The following NYAP2 variants were observed in gnomAD, a reference collection of about 807,000 sequenced individuals.
The protein encoded by NYAP2 is neuronal tyrosine-phosphorylated phosphoinositide-3-kinase adaptor 2, also known as neuronal tyrosine-phosphorylated phosphoinositide-3-kinase adapter 2.
NYAP2 carries 23 observed loss-of-function variants against 50.4 expected under a neutral mutation model. The observed-to-expected ratio is 0.46, with a 90% CI of 0.33 to 0.65. The LOEUF (loss-of-function observed/expected upper bound fraction) is 0.65, where lower values mean the gene tolerates loss of function less well. Among genes scored for constraint, NYAP2 ranks in the 30% least tolerant of loss-of-function variants. NYAP2 has a pLI of 0.02. For synonymous variants in NYAP2, 394 were observed against 365.2 expected (o/e 1.08, Z -0.90); for missense variants, 885 against 861.0 (o/e 1.03, Z -0.35).
At chr2:225,511,371 C>G (rs3957273) in intron 3 of NYAP2, among the ~76,000 whole-genome samples, 27,930 of 123,152 alleles carry the variant, frequency 0.23, 3,051 homozygotes, top group South Asian at 0.39. Context: ...CACACACACA[C>G]ACAGAGAGAG....
At chr2:225,559,033 T>G (rs1157173698) in intron 4 of NYAP2, among the ~76,000 whole-genome samples, 1 of 152,136 alleles carries the variant, frequency 6.6e-6, no homozygotes, top group Non-Finnish European at 1.5e-5. Flanking sequence ...AAATTGTTTT[T>G]ATTATATTAG....
At chr2:225,454,847 G>A (rs568428524) in intron 3 of NYAP2, among the ~76,000 whole-genome samples, 15 of 152,184 alleles carry the variant, frequency 9.9e-5, no homozygotes, top group Non-Finnish European at 1.5e-4. Flanking sequence ...GGGTACCACC[G>A]TGTTATGTTA....
intron 4 of NYAP2, among the ~76,000 whole-genome samples, chr2:225,577,551 A>T (rs1312547070): frequency 6.6e-6 from 1 of 152,192 alleles, no homozygotes; most frequent in African/African-American, 2.4e-5. Flanking sequence ...TTATATAGAT[A>T]CACTTTTAAA....
chr2:225,630,622 G>A (rs1419906952), intron 6 of NYAP2, among the ~76,000 whole-genome samples: 1 of 152,200 alleles, frequency 6.6e-6, no homozygotes, highest in Non-Finnish European at 1.5e-5. Context: ...AAGCCTATTA[G>A]CAGGGATAAA....
chr2:225,477,969 G>A (rs1028735372), intron 3 of NYAP2, among the ~76,000 whole-genome samples: 1 of 152,096 alleles, frequency 6.6e-6, no homozygotes, highest in East Asian at 1.9e-4. Context: ...AGTGTTCAAG[G>A]AGCCCGAAAT....
At chr2:225,416,326 T>A (rs992402000) in intron 3 of NYAP2, among the ~76,000 whole-genome samples, 1 of 152,182 alleles carries the variant, frequency 6.6e-6, no homozygotes, top group African/African-American at 2.4e-5. Flanking sequence ...AAATTCTTTA[T>A]TGAGCCAGAA....
At chr2:225,436,954 C>T (rs1689389771) in intron 3 of NYAP2, among the ~76,000 whole-genome samples, 3 of 151,938 alleles carry the variant, frequency 2.0e-5, no homozygotes, top group African/African-American at 7.3e-5. Context: ...ACTTGATACC[C>T]ACCAGGGCAA....
intron 4 of NYAP2, among the ~76,000 whole-genome samples, chr2:225,570,636 C>A (rs2106221584): frequency 6.6e-6 from 1 of 152,242 alleles, no homozygotes; most frequent in Admixed American, 6.5e-5. Flanking sequence ...CCCCAATATT[C>A]AATTACTTCT....
At chr2:225,685,706 C>A in the NYAP2 span, among the ~76,000 whole-genome samples, 2 of 152,054 alleles carry the variant, frequency 1.3e-5, no homozygotes, top group Admixed American at 1.3e-4. Flanking sequence ...AAAGTCAAAT[C>A]AAGAATCATA....
chr2:225,463,150 C>T (rs1011252703), intron 3 of NYAP2, among the ~76,000 whole-genome samples: 2 of 152,238 alleles, frequency 1.3e-5, no homozygotes, highest in Non-Finnish European at 1.5e-5. Context: ...TCCAAACAGG[C>T]ATTGCTAAGG....
chr2:225,533,821 GTAATT>G (rs1482125438), intron 4 of NYAP2, among the ~76,000 whole-genome samples: 5 of 152,028 alleles, frequency 3.3e-5, no homozygotes, highest in Non-Finnish European at 7.4e-5. Flanking sequence ...TCAATATTTT[GTAATT>G]TAATTTTTTC....
chr2:225,456,975 T>G (rs1431017543), intron 3 of NYAP2, among the ~76,000 whole-genome samples: 1 of 152,204 alleles, frequency 6.6e-6, no homozygotes, highest in Admixed American at 6.5e-5. Context: ...TTCTGGCTGC[T>G]TGTTGTTAGA....
intron 3 of NYAP2, among the ~76,000 whole-genome samples, chr2:225,470,016 C>T (rs774776613): frequency 3.0e-4 from 45 of 151,682 alleles, no homozygotes; most frequent in Non-Finnish European, 4.7e-4. Context: ...AAAATACTAG[C>T]TAATAGCTAA....
Position 225,582,969 on chromosome 2 carries a change from T to C in NYAP2, c.1552T>C (p.Phe518Leu), listed in dbSNP as rs771862567. Residue 518 changes from phenylalanine (F) to leucine (L), a missense_variant, in exon 5 of 7, where the codon TTC (phenylalanine) becomes CTC (leucine). Transcript: ENST00000636099. This position sits in a 1 kb window ranked among gnomAD's most constrained non-coding sequence, Gnocchi z 7.0. ...CCCGCTGGAGGAGCTGACCAGCCTCTTCTCCTCCGGCCGCAGCCTGCTGCG... is the reference window on the plus strand; with the variant it reads ...CCCGCTGGAGGAGCTGACCAGCCTCCTCTCCTCCGGCCGCAGCCTGCTGCG... The C allele has an allele frequency of 5.0e-6, 8 of 1,612,514 alleles. No individual in the cohort carries two copies. The highest frequency in any genetic ancestry group is 3.3e-5 in the South Asian group (3 of 91,022).
chr2:225,558,049 G>A lies in NYAP2; in HGVS notation c.524-23892G>A, dbSNP rs117639924. On this transcript the variant is annotated intron_variant, in intron 4 of 6. Coordinates refer to ENST00000636099, the Ensembl canonical transcript of NYAP2. ...CTGCTCTGCCTGTGTACTGCTTTGG[G>A]GATTGATTGGTTCGATCCTATGATA... Among the ~76,000 whole-genome samples, 19 of 152,226 alleles carry A rather than the reference G, an allele frequency of 1.2e-4. No homozygotes were observed. The East Asian group carries it at 3.7e-3, about 29-fold the overall frequency.
At chr2:225,566,597 T>G (rs1043801489) in intron 4 of NYAP2, among the ~76,000 whole-genome samples, 1 of 152,244 alleles carries the variant, frequency 6.6e-6, no homozygotes, top group Non-Finnish European at 1.5e-5. Flanking sequence ...TGGACACTTT[T>G]GTGCTGTCAC....
At chr2:225,574,520 C>T (rs190941225) in intron 4 of NYAP2, among the ~76,000 whole-genome samples, 43 of 152,266 alleles carry the variant, frequency 2.8e-4, no homozygotes, top group Admixed American at 2.0e-3. Flanking sequence ...TGACCTGTAC[C>T]TGTAAGTGAG....
At chr2:225,611,886 ATG>A (rs1186461726) in intron 5 of NYAP2, among the ~76,000 whole-genome samples, 2,942 of 140,704 alleles carry the variant, frequency 0.021, 99 homozygotes, top group African/African-American at 0.077. Context: ...ATGTATATAT[ATG>A]TGTGTGTGTG....
chr2:225,628,029 T>C (rs112780183), intron 6 of NYAP2, among the ~76,000 whole-genome samples: 4 of 147,686 alleles, frequency 2.7e-5, no homozygotes, highest in South Asian at 4.4e-4. Flanking sequence ...CAAGTTAAAA[T>C]TGGAATAGGA....
Sources: allele counts gnomAD v4.1 joint callset (sites outside exome capture counted in the v4.1 genomes callset), GRCh38; gene constraint gnomAD v4.1.1; non-coding constraint Gnocchi (gnomAD v3.1); transcripts MANE v1.5; gene names NCBI Gene and HGNC (gene_info 2026-07-23, HGNC 2026-07-21).